CNN3: variants seen among roughly 807,000 people sequenced by gnomAD.
CNN3 encodes the protein calponin 3.
Under a neutral mutation model 39.0 loss-of-function variants are expected in CNN3, and 11 were observed. That is an observed-to-expected ratio of 0.28 (90% CI 0.18 to 0.47). CNN3 has a LOEUF of 0.47. Among genes scored for constraint, CNN3 ranks in the 20% least tolerant of loss-of-function variants. The pLI is 0.99. For missense variants in CNN3, 266 were observed against 403.4 expected (o/e 0.66, Z 2.92); for synonymous variants, 101 against 138.3 (o/e 0.73, Z 1.89).
rs776570029 is a variant in CNN3 at position 94,926,868 on chromosome 1, G to T, written c.27C>A (p.Ser9=). Residue 9 remains serine, a synonymous_variant, in exon 1 of 7, where the codon TCC becomes TCA. Transcript: ENST00000370206. This position sits in a 1 kb window ranked among gnomAD's most constrained non-coding sequence, Gnocchi z 4.2. MTHFNKGP[S]YGLSAEVKNK... Reference sequence around the variant, plus strand: ...TCTTGACTTCGGCCGAGAGCCCATAGGAAGGGCCCTTGTTGAAGTGGGTCA... The same window carrying T: ...TCTTGACTTCGGCCGAGAGCCCATATGAAGGGCCCTTGTTGAAGTGGGTCA... 1 of 1,611,274 alleles carries T rather than the reference G, an allele frequency of 6.2e-7. No homozygotes were observed. The highest frequency in any genetic ancestry group is 1.7e-5 in the Admixed American group (1 of 59,936).
chr1:94,905,441 C>A (rs910146103), intron 1 of CNN3, among the ~76,000 whole-genome samples: 2 of 152,140 alleles, frequency 1.3e-5, no homozygotes, highest in African/African-American at 4.8e-5. Flanking sequence ...TTTTCAGGGC[C>A]TCTTTTCCCC....
chr1:94,914,790 C>T (rs925141501), intron 1 of CNN3, among the ~76,000 whole-genome samples: 5 of 152,108 alleles, frequency 3.3e-5, no homozygotes, highest in African/African-American at 1.2e-4. Flanking sequence ...TGGAATCTTA[C>T]AGATATGTTA....
At chr1:94,898,422 A>G (rs911431311) in intron 6 of CNN3, among the ~76,000 whole-genome samples, 1 of 152,224 alleles carries the variant, frequency 6.6e-6, no homozygotes, top group Non-Finnish European at 1.5e-5. Context: ...AATGAGACAT[A>G]AAGAATGTGA....
intron 1 of CNN3, among the ~76,000 whole-genome samples, chr1:94,909,814 T>C (rs1465687847): frequency 6.6e-6 from 1 of 152,022 alleles, no homozygotes; most frequent in South Asian, 2.1e-4. Flanking sequence ...TCCTGCGCTG[T>C]TGAATGGTAC....
intron 5 of CNN3, among the ~76,000 whole-genome samples, chr1:94,900,787 G>T (rs1670842815): frequency 6.6e-6 from 1 of 152,188 alleles, no homozygotes; most frequent in Non-Finnish European, 1.5e-5. Context: ...TCTGAACTAC[G>T]TATTTCAGAA....
At chr1:94,915,123 T>C (rs1209775487) in intron 1 of CNN3, among the ~76,000 whole-genome samples, 1 of 152,202 alleles carries the variant, frequency 6.6e-6, no homozygotes, top group Non-Finnish European at 1.5e-5. Flanking sequence ...TTTAAAAATA[T>C]TCATACTGTG....
rs1477312857 is a variant in CNN3, at chr1:94,902,022, C to G, written c.384+99G>C. 3 of 1,063,454 alleles carry G rather than the reference C, an allele frequency of 2.8e-6. No individual in the cohort carries two copies. The East Asian group carries it at 7.1e-5, about 25-fold the overall frequency. The allele number at this position is 1,063,454 out of a possible 1,614,324, so 65.9% of individuals were successfully genotyped here. ...CTACTAATTACAGAAGAGACAGGCC[C>G]CGCCCCACCTGGTCTGAACCCCCAT... On this transcript the variant is annotated intron_variant, in intron 4 of 6. Transcript: ENST00000370206.
At chr1:94,923,286 C>T (rs1460047035) in intron 1 of CNN3, among the ~76,000 whole-genome samples, 3 of 152,142 alleles carry the variant, frequency 2.0e-5, no homozygotes, top group Non-Finnish European at 1.5e-5. Context: ...ATTCAAGGGC[C>T]TGGTTCAACC....
At chr1:94,901,552 ACCC>A (rs10605235) in intron 5 of CNN3, 114 bp downstream of exon 5, 104 of 591,072 alleles carry the variant, frequency 1.8e-4, no homozygotes, top group Non-Finnish European at 1.7e-4. Flanking sequence ...TATAAACTAC[ACCC>A]CCCCCCCAGT....
intron 1 of CNN3, among the ~76,000 whole-genome samples, chr1:94,907,269 C>T (rs950614543): frequency 1.3e-5 from 2 of 152,134 alleles, no homozygotes; most frequent in Non-Finnish European, 2.9e-5. Context: ...AGTAAAGGAG[C>T]AACAGGATTC....
chr1:94,898,316 A>G (rs1670776377), intron 6 of CNN3, among the ~76,000 whole-genome samples: 1 of 152,182 alleles, frequency 6.6e-6, no homozygotes, highest in South Asian at 2.1e-4. Flanking sequence ...TTGCTCTGCT[A>G]TAAAATTACT....
intron 4 of CNN3, 146 bp downstream of exon 4, chr1:94,901,975 T>C (rs1459346128): frequency 1.3e-6 from 1 of 760,784 alleles, no homozygotes; most frequent in Non-Finnish European, 2.2e-6. Flanking sequence ...ATGCAGCTGA[T>C]GTCAGCAGCC....
intron 5 of CNN3, among the ~76,000 whole-genome samples, chr1:94,901,400 TTTAAAA>T (rs1417278033): frequency 1.4e-5 from 2 of 145,944 alleles, no homozygotes; most frequent in African/African-American, 2.5e-5. Flanking sequence ...ATTTTTCTTT[TTTAAAA>T]AAAAAAAAAA....
intron 1 of CNN3, among the ~76,000 whole-genome samples, chr1:94,917,300 A>T (rs989932222): frequency 6.6e-6 from 1 of 152,184 alleles, no homozygotes; most frequent in African/African-American, 2.4e-5. Flanking sequence ...CATCCCAAAA[A>T]GTGTTAGGAT....
chr1:94,912,242 T>C (rs923784770), intron 1 of CNN3, among the ~76,000 whole-genome samples: 4 of 152,198 alleles, frequency 2.6e-5, no homozygotes, highest in Admixed American at 1.3e-4. Flanking sequence ...TAGTGGATTT[T>C]TGAAAGTTCA....
intron 1 of CNN3, among the ~76,000 whole-genome samples, chr1:94,916,407 AG>A (rs1484839790): frequency 6.6e-6 from 1 of 152,098 alleles, no homozygotes; most frequent in Non-Finnish European, 1.5e-5. Context: ...GGGGGATTGC[AG>A]GGAGTGGGGA....
In CNN3 at chr1:94,914,328, G is replaced by A. The variant is rs140918479; in HGVS notation, c.58-10804C>T. The stretch of plus-strand genomic sequence containing the variant: ...TCCTCATCAACTCTTCAGCAAGCCC[G>A]CTCCATAGGACAAGCCTCAGTCTAC... On this transcript the variant is annotated intron_variant, in intron 1 of 6. Transcript: ENST00000370206. Among the ~76,000 whole-genome samples the A allele has an allele frequency of 8.5e-5, 13 of 152,140 alleles. No individual in the cohort carries two copies. In the East Asian group the frequency reaches 1.9e-3, roughly 23 times the overall value.
chr1:94,908,223 A>G (rs1671060608), intron 1 of CNN3, among the ~76,000 whole-genome samples: 1 of 152,200 alleles, frequency 6.6e-6, no homozygotes, highest in Non-Finnish European at 1.5e-5. Context: ...AGACCAAGAA[A>G]AAAGCCTCCT....
chr1:94,898,166 T>C, intron 6 of CNN3, 83 bp from the exon 7 acceptor site: 2 of 1,348,372 alleles, frequency 1.5e-6, no homozygotes, highest in South Asian at 1.4e-5. Flanking sequence ...AGAATTCACA[T>C]TGAATATGAA....
Sources: allele counts gnomAD v4.1 joint callset (sites outside exome capture counted in the v4.1 genomes callset), GRCh38; gene constraint gnomAD v4.1.1; non-coding constraint Gnocchi (gnomAD v3.1); transcripts MANE v1.5; gene names NCBI Gene and HGNC (gene_info 2026-07-23, HGNC 2026-07-21).